The following COLGALT2 variants were observed in gnomAD, a reference collection of about 807,000 sequenced individuals.
COLGALT2 encodes the protein collagen beta(1-O)galactosyltransferase 2.
In COLGALT2, 49 loss-of-function variants were observed where a neutral mutation model predicts 73.4. The ratio of observed to expected loss-of-function variants is 0.67; its 90% CI spans 0.53 to 0.85. The LOEUF is 0.85. COLGALT2 is among the 40% of genes least tolerant of loss of function. The pLI is 0.00. For synonymous variants in COLGALT2, 295 were observed against 307.6 expected (o/e 0.96, Z 0.43); for missense variants, 722 against 790.2 (o/e 0.91, Z 1.03).
At chr1:183,952,679 C>G (rs1033152410) in intron 7 of COLGALT2, among the ~76,000 whole-genome samples, 2 of 152,084 alleles carry the variant, frequency 1.3e-5, no homozygotes, top group African/African-American at 4.8e-5. Flanking sequence ...GGTGTAGAAA[C>G]TGATGGAGGA....
Position 184,008,152 on chromosome 1 carries a change from C to T in COLGALT2, c.263+28943G>A, listed in dbSNP as rs563253730. 3.3e-3 allele frequency among the ~76,000 whole-genome samples: 499 copies of T among 152,262 alleles called. 3 individuals carry two copies. Among genetic ancestry groups the T allele is most frequent in the Middle Eastern group, 6.8e-3 (2 of 294 alleles). On this transcript the variant is annotated intron_variant, in intron 1 of 11. Transcript: ENST00000361927. ...ACCTTCAGATGTGATACCAAAGACACGTGACTTATACAGTATTCCAAATGG... is the reference window on the plus strand; with the variant it reads ...ACCTTCAGATGTGATACCAAAGACATGTGACTTATACAGTATTCCAAATGG...
intron 6 of COLGALT2, among the ~76,000 whole-genome samples, chr1:183,958,933 C>G (rs932087190): frequency 6.6e-6 from 1 of 151,920 alleles, no homozygotes; most frequent in Non-Finnish European, 1.5e-5. Context: ...CAGCCTCCAT[C>G]GGATTTCTCC....
intron 1 of COLGALT2, among the ~76,000 whole-genome samples, chr1:184,022,137 T>A (rs1157733714): frequency 6.6e-6 from 1 of 152,222 alleles, no homozygotes; most frequent in Non-Finnish European, 1.5e-5. Context: ...CTGGATTTTT[T>A]AAGTCATAAT....
intron 9 of COLGALT2, 106 bp downstream of exon 9, chr1:183,945,326 C>T: frequency 7.4e-7 from 1 of 1,344,150 alleles, no homozygotes; most frequent in East Asian, 2.3e-5. Flanking sequence ...TGCACATTTC[C>T]AGAACAGTTG....
intron 1 of COLGALT2, among the ~76,000 whole-genome samples, chr1:183,987,374 A>T (rs1163444176): frequency 1.3e-5 from 2 of 152,168 alleles, no homozygotes; most frequent in Non-Finnish European, 2.9e-5. Context: ...TACTAGTTAA[A>T]TGTAGCACTG....
At chr1:184,021,130 G>A (rs761078242) in intron 1 of COLGALT2, among the ~76,000 whole-genome samples, 1 of 152,122 alleles carries the variant, frequency 6.6e-6, no homozygotes, top group Non-Finnish European at 1.5e-5. Context: ...TGGGTCCATC[G>A]GGAGAGGTTG....
rs1181293072 is a variant in COLGALT2 at position 183,969,325 on chromosome 1, T to C, written c.776A>G (p.Asp259Gly). Residue 259 changes from aspartate to glycine, a missense_variant, in exon 5 of 12, where the codon GAC becomes GGC. Asp to Gly is a moderately conservative substitution (Grantham distance 94). Transcript: ENST00000361927. ...DKLTFYPPHQDYTWTFDDIIV... is the reference protein window; with the variant it reads ...DKLTFYPPHQGYTWTFDDIIV... ...GATGTCATCAAAGGTCCAGGTGTAG[T>C]CCTGGTGTGGGGGGTAGAAAGTCAG... 3 of 1,613,524 alleles carry C rather than the reference T, an allele frequency of 1.9e-6. No homozygotes were observed. Among genetic ancestry groups the C allele is most frequent in the African/African-American group, 1.3e-5 (1 of 74,940 alleles).
intron 11 of COLGALT2, chr1:183,930,419 G>A (rs1293288445): frequency 1.0e-5 from 4 of 387,000 alleles, no homozygotes; most frequent in Non-Finnish European, 5.1e-6. Context: ...TTTTGGACAG[G>A]GTCTCACTCT....
At chr1:183,941,839 G>C (rs770079531) in intron 10 of COLGALT2, among the ~76,000 whole-genome samples, 3 of 152,192 alleles carry the variant, frequency 2.0e-5, no homozygotes, top group South Asian at 4.1e-4. Flanking sequence ...GAGTGATAGA[G>C]GTGCTGAGTT....
Position 183,978,435 on chromosome 1 carries a change from C to T in COLGALT2, c.349G>A (p.Glu117Lys). Residue 117 changes from glutamate (E) to lysine (K), a missense_variant, in exon 2 of 12, where the codon GAG becomes AAG. Transcript: ENST00000361927. ...TCTGGTTCATCCATAGGCCTCCACT[C>T]CACATAGTGATAGAGTCTCTGTACA... is the stretch of plus-strand genomic sequence containing the variant. ...KNVQRLYHYV[E>K]WRPMDEPESY... The T allele has an allele frequency of 6.2e-7, 1 of 1,609,132 alleles. No individual in the cohort carries two copies. Among genetic ancestry groups the T allele is most frequent in the Non-Finnish European group, 8.5e-7 (1 of 1,175,780 alleles).
At chr1:184,011,039 G>C (rs1672220909) in intron 1 of COLGALT2, among the ~76,000 whole-genome samples, 1 of 152,182 alleles carries the variant, frequency 6.6e-6, no homozygotes, top group Admixed American at 6.5e-5. Context: ...TGAATGGGGA[G>C]GAGGCCATTA....
intron 1 of COLGALT2, among the ~76,000 whole-genome samples, chr1:183,988,305 GC>G (rs1459759468): frequency 6.6e-6 from 1 of 152,160 alleles, no homozygotes; most frequent in Non-Finnish European, 1.5e-5. Context: ...TCATTGCGCA[GC>G]AACTAAGACA....
rs59481089 is a variant in COLGALT2 at position 183,977,812 on chromosome 1, A to AAGAGAGAGAGAGAGAGAGAGAGAG, written c.374+597_374+598insCTCTCTCTCTCTCTCTCTCTCTCT. The stretch of plus-strand genomic sequence containing the variant: ...CTTGAAAGAAAGAAGGAAAGAGAGA[A>AAGAGAGAGAGAGAGAGAGAGAGAG]AGAGAGAGAGAGAGAGAGAGAGAAA... On this transcript the variant is annotated intron_variant, in intron 2 of 11. Transcript: ENST00000361927. Among the ~76,000 whole-genome samples the AAGAGAGAGAGAGAGAGAGAGAGAG allele has an allele frequency of 8.2e-3, 431 of 52,376 alleles. 1 individual carries two copies. The highest frequency in any genetic ancestry group is 0.046 in the South Asian group (67 of 1,462). 34.4% of individuals were successfully genotyped at this position (52,376 alleles called of 152,430 possible). A position where few individuals can be genotyped will look rare whatever the true frequency, so the allele number is the denominator to read the frequency against.
chr1:184,013,747 A>AGG (rs112446020), intron 1 of COLGALT2, among the ~76,000 whole-genome samples: 1 of 151,464 alleles, frequency 6.6e-6, no homozygotes, highest in Non-Finnish European at 1.5e-5. Flanking sequence ...AATTGGTGGG[A>AGG]GGGGGGGTAA....
intron 1 of COLGALT2, among the ~76,000 whole-genome samples, chr1:184,002,558 T>C (rs1476230763): frequency 6.6e-6 from 1 of 152,250 alleles, no homozygotes; most frequent in Non-Finnish European, 1.5e-5. Flanking sequence ...AGTTAATCTT[T>C]GTATACACAA....
rs1453353267 is a variant in COLGALT2, at chr1:184,037,373, G to C, written c.-16C>G. On this transcript the variant is annotated 5_prime_UTR_variant, in exon 1 of 12. Transcript: ENST00000361927. ...GCGCAGCCATGTTCCGGGCCGAGGC[G>C]GGCGGCGGGGAAGTCCTGGCGCGAG... 2.1e-6 allele frequency: 3 copies of C among 1,397,832 alleles called. No homozygotes were observed. Among genetic ancestry groups the C allele is most frequent in the South Asian group, 3.1e-5 (2 of 63,616 alleles). 86.6% of individuals were successfully genotyped at this position (1,397,832 alleles called of 1,614,324 possible).
At chr1:183,932,933 T>C (rs1669876871), downstream of COLGALT2, among the ~76,000 whole-genome samples, 3 of 152,294 alleles carry the variant, frequency 2.0e-5, no homozygotes, top group African/African-American at 7.2e-5. Context: ...TCCCTGTGTC[T>C]TTCCTACAGG....
At chr1:183,957,473 A>T (rs1670583778) in intron 6 of COLGALT2, among the ~76,000 whole-genome samples, 1 of 152,160 alleles carries the variant, frequency 6.6e-6, no homozygotes, top group African/African-American at 2.4e-5. Context: ...TACATGATAG[A>T]TTGTACTTGG....
intron 6 of COLGALT2, among the ~76,000 whole-genome samples, chr1:183,956,622 G>A (rs1670561731): frequency 1.3e-5 from 2 of 152,126 alleles, no homozygotes; most frequent in Admixed American, 1.3e-4. Flanking sequence ...CTAGGCTGCT[G>A]GTCTCCTTTG....
Sources: gnomAD v4.1 joint callset for allele counts (sites outside exome capture counted in the v4.1 genomes callset) on GRCh38, gnomAD v4.1.1 for gene constraint, MANE v1.5 for transcripts, NCBI Gene and HGNC (gene_info 2026-07-23, HGNC 2026-07-21) for gene names.